ROBO1: variants seen among roughly 807,000 people sequenced by gnomAD.
The protein encoded by ROBO1 is roundabout homolog 1.
ROBO1 carries 149 observed loss-of-function variants against 195.9 expected under a neutral mutation model. That is an observed-to-expected ratio of 0.76 (90% CI 0.67 to 0.87). The LOEUF is 0.87. Ranked by LOEUF, ROBO1 falls within the 40% of genes least tolerant of loss-of-function variation. ROBO1 has a pLI of 0.00. For missense variants in ROBO1, 1,933 were observed against 2,068.3 expected (o/e 0.93, Z 1.27); for synonymous variants, 816 against 733.2 (o/e 1.11, Z -1.82).
intron 2 of ROBO1, among the ~76,000 whole-genome samples, chr3:79,377,050 A>G (rs115787097): frequency 0.012 from 1,190 of 102,506 alleles, 20 homozygotes; most frequent in African/African-American, 0.044. Context: ...ACAGTAAAGG[A>G]ATTAAAAAGT....
chr3:79,047,293 T>C (rs2078612704), intron 3 of ROBO1, among the ~76,000 whole-genome samples: 1 of 151,830 alleles, frequency 6.6e-6, no homozygotes, highest in Non-Finnish European at 1.5e-5. Context: ...CCAAGCAAAG[T>C]GTTAAAGGTA....
chr3:78,673,055 ATTTAAT>A (rs911634933), intron 10 of ROBO1, among the ~76,000 whole-genome samples: 26 of 152,164 alleles, frequency 1.7e-4, no homozygotes, highest in African/African-American at 6.0e-4. Context: ...ATGCAATTGT[ATTTAAT>A]TTTAAGTAAT....
chr3:78,921,590 G>C (rs999572338), intron 4 of ROBO1, among the ~76,000 whole-genome samples: 1 of 152,118 alleles, frequency 6.6e-6, no homozygotes, highest in Non-Finnish European at 1.5e-5. Flanking sequence ...CTTATTTTAG[G>C]AAAGTAACAA....
intron 4 of ROBO1, among the ~76,000 whole-genome samples, chr3:78,900,856 A>G (rs1286287807): frequency 3.9e-5 from 6 of 152,196 alleles, no homozygotes; most frequent in Non-Finnish European, 8.8e-5. Context: ...GGATGGAAAG[A>G]ATGGAAATTG....
chr3:78,944,448 C>T (rs2040305400), intron 3 of ROBO1, among the ~76,000 whole-genome samples: 1 of 152,196 alleles, frequency 6.6e-6, no homozygotes, highest in Non-Finnish European at 1.5e-5. Context: ...AGAAACCAGC[C>T]ATGCCTGCAC....
rs902948037 is a variant in ROBO1, at chr3:79,647,408, G to A, written c.-50-57447C>T. Among the ~76,000 whole-genome samples, 3 of 152,060 alleles carry A rather than the reference G, an allele frequency of 2.0e-5. No individual in the cohort carries two copies. The South Asian group carries it at 6.2e-4, about 32-fold the overall frequency. ...AAATTTCTATGATCCCTAAACAAGA[G>A]GCAACTGAAAACCAGAACATTAACT... On this transcript the variant is annotated intron_variant, in intron 1 of 30. Coordinates refer to ENST00000464233, the MANE Select transcript of ROBO1 (RefSeq NM_002941.4).
chr3:79,697,383 A>G (rs1025042364), intron 1 of ROBO1, among the ~76,000 whole-genome samples: 5 of 151,638 alleles, frequency 3.3e-5, no homozygotes, highest in Admixed American at 2.0e-4. Flanking sequence ...CTTCACCCAT[A>G]CAAATGACAA....
chr3:78,914,742 T>C (rs1183027468), intron 4 of ROBO1, among the ~76,000 whole-genome samples: 6 of 139,240 alleles, frequency 4.3e-5, no homozygotes, highest in Non-Finnish European at 7.9e-5. Context: ...TTATACCATG[T>C]ATACATTTTA....
Position 79,264,563 on chromosome 3 carries a change from A to G in ROBO1, c.89-139024T>C, listed in dbSNP as rs539145151. Among the ~76,000 whole-genome samples, 40 of 152,024 alleles carry G rather than the reference A, an allele frequency of 2.6e-4. 2 individuals carry two copies. In the South Asian group the frequency reaches 7.9e-3, roughly 30 times the overall value. ...AGTTTGTCTTTTCATTTAGCATTTTATACCCATACCTATTGTCATGCTTGT... is the reference window on the plus strand; with the variant it reads ...AGTTTGTCTTTTCATTTAGCATTTTGTACCCATACCTATTGTCATGCTTGT... On this transcript the variant is annotated intron_variant, in intron 2 of 30. Coordinates refer to ENST00000464233, the MANE Select transcript of ROBO1 (RefSeq NM_002941.4).
rs573008625 is a variant in ROBO1, at chr3:78,825,452, G to A, written c.500-78552C>T. On this transcript the variant is annotated intron_variant, in intron 4 of 30. Coordinates refer to ENST00000464233, the MANE Select transcript of ROBO1 (RefSeq NM_002941.4). ...AAGGAGAGGAGTTAGAAATGTCCCA[G>A]TCCCAACAGAACTCTATTCGAAGAC... Among the ~76,000 whole-genome samples, 6 of 152,238 alleles carry A rather than the reference G, an allele frequency of 3.9e-5. No homozygotes were observed. In the South Asian group the frequency reaches 1.2e-3, roughly 32 times the overall value.
At position 78,882,812 on chromosome 3, in the gene ROBO1, CT is replaced by C. The variant is rs34634729; in HGVS notation, c.499+55788del. On this transcript the variant is annotated intron_variant, in intron 4 of 30. Coordinates refer to ENST00000464233, the MANE Select transcript of ROBO1 (RefSeq NM_002941.4). ...GGATAACACCTCTGTTCTTCCTAAT[CT>C]TTTTTTTTTTTTTTTCTGAGCCTGA... Among the ~76,000 whole-genome samples the C allele has an allele frequency of 1.6e-3, 213 of 136,462 alleles. 2 individuals carry two copies. Among genetic ancestry groups the C allele is most frequent in the African/African-American group, 4.4e-3 (162 of 37,046 alleles). The allele number at this position is 136,462 out of a possible 152,430, so 89.5% of individuals were successfully genotyped here.
chr3:78,718,329 G>A (rs1559782718), intron 5 of ROBO1, among the ~76,000 whole-genome samples: 1 of 152,130 alleles, frequency 6.6e-6, no homozygotes, highest in East Asian at 1.9e-4. Flanking sequence ...AGCATTATAT[G>A]AATTAATTAA....
chr3:78,893,779 A>C lies in ROBO1; in HGVS notation c.499+44822T>G, dbSNP rs190860277. Reference sequence around the variant, plus strand: ...TAGATGCTTTTCCACAGTAAAAAAAAATTGATTTCTATAAAGACATTTTTA... The same window carrying C: ...TAGATGCTTTTCCACAGTAAAAAAACATTGATTTCTATAAAGACATTTTTA... On this transcript the variant is annotated intron_variant, in intron 4 of 30. Transcript: ENST00000464233. Among the ~76,000 whole-genome samples, 40 of 152,254 alleles carry C rather than the reference A, an allele frequency of 2.6e-4. No homozygotes were observed. In the East Asian group the frequency reaches 7.3e-3, roughly 28 times the overall value.
intron 3 of ROBO1, among the ~76,000 whole-genome samples, chr3:78,950,994 A>G (rs894575900): frequency 2.8e-4 from 42 of 151,690 alleles, no homozygotes; most frequent in South Asian, 2.1e-4. Context: ...TTTTCTGCCA[A>G]TATACTTGAG....
intron 3 of ROBO1, among the ~76,000 whole-genome samples, chr3:79,109,728 A>C (rs1334278868): frequency 1.3e-5 from 2 of 152,128 alleles, no homozygotes; most frequent in Non-Finnish European, 2.9e-5. Context: ...ATTGACTAGG[A>C]GGCTACTGAG....
chr3:79,136,892 T>C (rs777441361), intron 2 of ROBO1, among the ~76,000 whole-genome samples: 5 of 152,040 alleles, frequency 3.3e-5, no homozygotes, highest in Non-Finnish European at 5.9e-5. Context: ...TAGTAAGTGA[T>C]GCAAATAAAG....
chr3:79,379,650 A>G (rs1357928450), intron 2 of ROBO1, among the ~76,000 whole-genome samples: 1 of 152,220 alleles, frequency 6.6e-6, no homozygotes, highest in African/African-American at 2.4e-5. Flanking sequence ...ATTGTTCATA[A>G]TGTGGCTGAA....
chr3:78,702,183 G>A (rs75162967), intron 8 of ROBO1, among the ~76,000 whole-genome samples: 2,221 of 152,194 alleles, frequency 0.015, 42 homozygotes, highest in African/African-American at 0.051. Context: ...TTGCTAAAAC[G>A]ATTCGCCAGT....
chr3:79,102,692 G>A (rs183149025), intron 3 of ROBO1, among the ~76,000 whole-genome samples: 107 of 151,904 alleles, frequency 7.0e-4, no homozygotes, highest in African/African-American at 2.5e-3. Context: ...ACTTCACTTG[G>A]ACAGAACTTG....
Sources: allele counts gnomAD v4.1 joint callset (sites outside exome capture counted in the v4.1 genomes callset), GRCh38; gene constraint gnomAD v4.1.1; transcripts MANE v1.5; gene names NCBI Gene and HGNC (gene_info 2026-07-23, HGNC 2026-07-21).